Variants in MACO1 observed in about 807,000 individuals in gnomAD.
MACO1 encodes the protein macoilin 1.
A neutral mutation model predicts 78.7 loss-of-function variants in MACO1; 14 were observed. The observed-to-expected ratio is 0.18, with a 90% confidence interval of 0.12 to 0.28. The LOEUF (loss-of-function observed/expected upper bound fraction) is 0.28, where lower values mean the gene tolerates loss of function less well. Among genes scored for constraint, MACO1 ranks in the 10% least tolerant of loss-of-function variants. The pLI is 1.00. For synonymous variants in MACO1, 288 were observed against 291.6 expected (o/e 0.99, Z 0.12); for missense variants, 501 against 799.0 (o/e 0.63, Z 4.50).
chr1:25,438,923 TAAA>T (rs989898940), intron 1 of MACO1, among the ~76,000 whole-genome samples: 28 of 145,146 alleles, frequency 1.9e-4, no homozygotes, highest in African/African-American at 7.1e-4. Flanking sequence ...AATAAAAAAC[TAAA>T]AAAAAAAGAA....
chr1:25,432,118 G>A (rs185885027), intron 1 of MACO1, among the ~76,000 whole-genome samples: 218 of 152,292 alleles, frequency 1.4e-3, no homozygotes, highest in African/African-American at 4.9e-3. Context: ...GATTTCGGTG[G>A]AGAAGTAATT....
At chr1:25,445,510 C>T (rs2043008093) in intron 1 of MACO1, among the ~76,000 whole-genome samples, 2 of 152,042 alleles carry the variant, frequency 1.3e-5, no homozygotes, top group Admixed American at 1.3e-4. Context: ...TGAATGGCTT[C>T]AAAGGGCACA....
At chr1:25,447,970 C>T (rs1049586416) in intron 2 of MACO1, among the ~76,000 whole-genome samples, 1 of 152,062 alleles carries the variant, frequency 6.6e-6, no homozygotes, top group African/African-American at 2.4e-5. Context: ...GTTCTATTGG[C>T]GGTAGTGGTG....
At position 25,489,298 on chromosome 1, in the gene MACO1, G is replaced by T; in HGVS notation, c.1617+5G>T. On this transcript the variant is annotated splice_donor_5th_base_variant and intron_variant, in intron 9 of 10. Transcript: ENST00000374343. ...GAACTAGAACTAAAAGTCCAGGTAA[G>T]GGGGGAACAAAAGACTTCCCTTGTA... is the stretch of plus-strand genomic sequence containing the variant. The T allele has an allele frequency of 6.2e-7, 1 of 1,612,596 alleles. No homozygotes were observed.
chr1:25,451,666 G>A (rs1426994046), intron 3 of MACO1, among the ~76,000 whole-genome samples: 1 of 152,124 alleles, frequency 6.6e-6, no homozygotes, highest in African/African-American at 2.4e-5. Flanking sequence ...CAGCACTTTG[G>A]GAGGCCAAGG....
At chr1:25,457,185 G>A (rs999523561) in intron 5 of MACO1, among the ~76,000 whole-genome samples, 2 of 151,872 alleles carry the variant, frequency 1.3e-5, no homozygotes, top group Non-Finnish European at 2.9e-5. Context: ...GACCACTGCA[G>A]CCTCAAACTC....
In MACO1 at chr1:25,432,847, G is replaced by A. The variant is rs887284303; in HGVS notation, c.80+1669G>A. On this transcript the variant is annotated intron_variant, in intron 1 of 10. Coordinates refer to ENST00000374343, the MANE Select transcript of MACO1 (RefSeq NM_018202.6). ...AGATTGAGAGTCCCATATTGTTTACGTGTTTTCTGCTGTATTTCCATTTCT... is the reference window on the plus strand; with the variant it reads ...AGATTGAGAGTCCCATATTGTTTACATGTTTTCTGCTGTATTTCCATTTCT... Among the ~76,000 whole-genome samples the A allele has an allele frequency of 2.6e-5, 4 of 152,166 alleles. No homozygotes were observed. The South Asian group carries it at 8.3e-4, about 31-fold the overall frequency.
intron 1 of MACO1, among the ~76,000 whole-genome samples, chr1:25,443,710 T>C (rs2124573650): frequency 6.6e-6 from 1 of 152,340 alleles, no homozygotes; most frequent in Middle Eastern, 3.4e-3. Flanking sequence ...ATCTAAATAG[T>C]GAAGCGGAGT....
intron 6 of MACO1, among the ~76,000 whole-genome samples, chr1:25,468,604 T>C (rs1036926390): frequency 6.6e-6 from 1 of 152,198 alleles, no homozygotes; most frequent in Non-Finnish European, 1.5e-5. Flanking sequence ...TTTATTCCGC[T>C]CCAAATTCAT....
chr1:25,433,689 A>G (rs551064333), intron 1 of MACO1, among the ~76,000 whole-genome samples: 18 of 152,364 alleles, frequency 1.2e-4, no homozygotes, highest in African/African-American at 4.3e-4. Context: ...ACCCAGGATC[A>G]GACTCAAAAT....
At chr1:25,440,405 GA>G (rs35855810) in intron 1 of MACO1, among the ~76,000 whole-genome samples, 8,045 of 124,440 alleles carry the variant, frequency 0.065, 225 homozygotes, top group African/African-American at 0.074. Flanking sequence ...CCAGTTCTGG[GA>G]AAAAAAAAAA....
In MACO1 at chr1:25,439,603, G is replaced by A. The variant is rs149271107; in HGVS notation, c.81-7159G>A. ...CTCCCCTTTTTTGGATTTTATACAA[G>A]GAGGTGCCTGCAGAATGCAGCAGTG... On this transcript the variant is annotated intron_variant, in intron 1 of 10. Coordinates refer to ENST00000374343, the MANE Select transcript of MACO1 (RefSeq NM_018202.6). Among the ~76,000 whole-genome samples, 4 of 151,926 alleles carry A rather than the reference G, an allele frequency of 2.6e-5. No individual in the cohort carries two copies. The East Asian group carries it at 7.7e-4, about 29-fold the overall frequency.
intron 4 of MACO1, 75 bp downstream of exon 4, chr1:25,454,457 TGTG>T: frequency 4.6e-6 from 1 of 215,490 alleles, no homozygotes; most frequent in Non-Finnish European, 6.9e-6. Context: ...TGTGTGTGTG[TGTG>T]TGTGTGTGTG....
At chr1:25,466,785 T>G (rs2043223464) in intron 6 of MACO1, among the ~76,000 whole-genome samples, 2 of 152,236 alleles carry the variant, frequency 1.3e-5, no homozygotes, top group South Asian at 4.1e-4. Flanking sequence ...AAATTTTTAT[T>G]TTAATGAGGT....
At chr1:25,455,609 G>A (rs114157759) in intron 4 of MACO1, among the ~76,000 whole-genome samples, 1,538 of 152,262 alleles carry the variant, frequency 0.01, 27 homozygotes, top group African/African-American at 0.034. Flanking sequence ...ATGATGTTAG[G>A]CAGGCTGGTA....
chr1:25,464,802 A>G (rs1313464953), intron 6 of MACO1, among the ~76,000 whole-genome samples: 1 of 151,632 alleles, frequency 6.6e-6, no homozygotes, highest in East Asian at 1.9e-4. Flanking sequence ...GATTACAGGC[A>G]CCCACCACCA....
At chr1:25,467,422 C>T (rs533870106) in intron 6 of MACO1, among the ~76,000 whole-genome samples, 157 of 152,236 alleles carry the variant, frequency 1.0e-3, no homozygotes, top group South Asian at 1.7e-3. Flanking sequence ...GGTTTCTTGT[C>T]GGCAATTGTT....
At chr1:25,469,037 T>G (rs569487063) in intron 6 of MACO1, among the ~76,000 whole-genome samples, 1 of 152,110 alleles carries the variant, frequency 6.6e-6, no homozygotes, top group Admixed American at 6.5e-5. Context: ...GAGACGGGGT[T>G]TCACCATGTT....
intron 6 of MACO1, among the ~76,000 whole-genome samples, chr1:25,467,425 CA>C (rs2043229423): frequency 6.6e-6 from 1 of 152,130 alleles, no homozygotes; most frequent in East Asian, 1.9e-4. Context: ...TTCTTGTCGG[CA>C]ATTGTTACTT....
Sources: gnomAD v4.1 joint callset for allele counts (sites outside exome capture counted in the v4.1 genomes callset) on GRCh38, gnomAD v4.1.1 for gene constraint, MANE v1.5 for transcripts, NCBI Gene and HGNC (gene_info 2026-07-23, HGNC 2026-07-21) for gene names.